Variants in PTPN2 observed in about 807,000 individuals in gnomAD.
The protein encoded by PTPN2 is tyrosine-protein phosphatase non-receptor type 2.
A neutral mutation model predicts 57.3 loss-of-function variants in PTPN2; 19 were observed. That is an observed-to-expected ratio of 0.33 (90% CI 0.23 to 0.49). The LOEUF (loss-of-function observed/expected upper bound fraction) is 0.49. Among genes scored for constraint, PTPN2 ranks in the 20% least tolerant of loss-of-function variants. The pLI, the probability that PTPN2 is intolerant of heterozygous loss-of-function variation, is 0.99. For missense variants in PTPN2, 358 were observed against 501.1 expected (o/e 0.71, Z 2.73); for synonymous variants, 153 against 164.9 (o/e 0.93, Z 0.55).
chr18:12,870,477 A>AGG lies in PTPN2; in HGVS notation c.70-11224_70-11223insCC, dbSNP rs1220428491. On this transcript the variant is annotated intron_variant, in intron 1 of 8. Coordinates refer to ENST00000309660, the MANE Select transcript of PTPN2 (RefSeq NM_002828.4). ...TATATATATATAGAGAGAGAGAGAG[A>AGG]GAGAGAGAGAGAGAGAGAGAGAAAA... Among the ~76,000 whole-genome samples, 202 of 99,536 alleles carry AGG rather than the reference A, an allele frequency of 2.0e-3. 25 individuals are homozygous for AGG. Among genetic ancestry groups the AGG allele is most frequent in the African/African-American group, 8.2e-3 (179 of 21,884 alleles). 65.3% of individuals were successfully genotyped at this position (99,536 alleles called of 152,430 possible).
intron 1 of PTPN2, among the ~76,000 whole-genome samples, chr18:12,865,124 A>C (rs1371982824): frequency 4.6e-5 from 7 of 152,206 alleles, no homozygotes; most frequent in Non-Finnish European, 8.8e-5. Flanking sequence ...TAGAATCCTC[A>C]AACTAACTTG....
intron 9 of PTPN2, chr18:12,786,316 A>G (rs2040842641): frequency 6.5e-6 from 1 of 153,486 alleles, no homozygotes; most frequent in African/African-American, 2.4e-5. Flanking sequence ...TATCAACATA[A>G]TGTTTGAACA....
chr18:12,875,714 C>T (rs566358967), intron 1 of PTPN2, among the ~76,000 whole-genome samples: 4 of 152,268 alleles, frequency 2.6e-5, no homozygotes, highest in East Asian at 3.9e-4. Context: ...TTTAATTTCG[C>T]GTACCCAGAC....
At chr18:12,861,285 A>AT (rs2043800675) in intron 1 of PTPN2, among the ~76,000 whole-genome samples, 1 of 152,234 alleles carries the variant, frequency 6.6e-6, no homozygotes, top group South Asian at 2.1e-4. Flanking sequence ...GAGAAATTTA[A>AT]TTTTATCCCT....
intron 2 of PTPN2, chr18:12,843,784 A>G (rs986199876): frequency 6.6e-6 from 1 of 152,646 alleles, no homozygotes; most frequent in African/African-American, 2.4e-5. Context: ...GCATGAAAAG[A>G]CACTGCTACA....
At position 12,819,328 on chromosome 18, in the gene PTPN2, G is replaced by A. The variant is rs1243811852; in HGVS notation, c.496-1963C>T. ...CTCCATTACAAATTAAAATGATCATGGTTTCTACGCTTTAAGACATTTATT... is the reference window on the plus strand; with the variant it reads ...CTCCATTACAAATTAAAATGATCATAGTTTCTACGCTTTAAGACATTTATT... On this transcript the variant is annotated intron_variant, in intron 5 of 8. Transcript: ENST00000309660. 9 of 882,320 alleles carry A rather than the reference G, an allele frequency of 1.0e-5. 1 individual carries two copies. In the South Asian group the frequency reaches 1.6e-4, roughly 16 times the overall value. 54.7% of individuals were successfully genotyped at this position (882,320 alleles called of 1,614,324 possible).
intron 2 of PTPN2, among the ~76,000 whole-genome samples, chr18:12,845,708 C>T (rs553740072): frequency 6.6e-6 from 1 of 152,044 alleles, no homozygotes; most frequent in Non-Finnish European, 1.5e-5. Context: ...GATTCAGTAC[C>T]TCAAGTTTAT....
chr18:12,840,927 C>T, intron 2 of PTPN2: 1 of 1,521,578 alleles, frequency 6.6e-7, no homozygotes, highest in Non-Finnish European at 8.8e-7. Context: ...GATGGAATGC[C>T]TCCATGATGA....
At chr18:12,862,460 C>G (rs1743346425) in intron 1 of PTPN2, 1 of 152,264 alleles carries the variant, frequency 6.6e-6, no homozygotes, top group South Asian at 2.1e-4. Flanking sequence ...CACCCAGCCC[C>G]AATATCCTTT....
intron 2 of PTPN2, among the ~76,000 whole-genome samples, chr18:12,850,245 C>G (rs1598846549): frequency 6.6e-6 from 1 of 152,116 alleles, no homozygotes; most frequent in African/African-American, 2.4e-5. Flanking sequence ...AATCCTAGCA[C>G]TTTGGAAGGC....
At chr18:12,869,899 A>C (rs1482347085) in intron 1 of PTPN2, among the ~76,000 whole-genome samples, 1 of 152,182 alleles carries the variant, frequency 6.6e-6, no homozygotes, top group East Asian at 1.9e-4. Flanking sequence ...AGAAAAGGAC[A>C]CAGTGAAGTA....
At chr18:12,879,314 C>G (rs562940595) in intron 1 of PTPN2, among the ~76,000 whole-genome samples, 44 of 152,242 alleles carry the variant, frequency 2.9e-4, no homozygotes, top group African/African-American at 9.9e-4. Context: ...CACTCTTTCA[C>G]GATCAATTCT....
Position 12,827,966 on chromosome 18 carries a change from C to G in PTPN2, c.361-2022G>C, listed in dbSNP as rs186912297. Among the ~76,000 whole-genome samples, 10 of 151,816 alleles carry G rather than the reference C, an allele frequency of 6.6e-5. No individual in the cohort carries two copies. In the South Asian group the frequency reaches 1.0e-3, roughly 16 times the overall value. On this transcript the variant is annotated intron_variant, in intron 4 of 8. Coordinates refer to ENST00000309660, the MANE Select transcript of PTPN2 (RefSeq NM_002828.4). Reference sequence around the variant, plus strand: ...CCTGTAAAAACTGACCCAGAATGGCCAATTACTAAGACATATTTTTGGTAA... The same window carrying G: ...CCTGTAAAAACTGACCCAGAATGGCGAATTACTAAGACATATTTTTGGTAA...
At chr18:12,879,434 A>C (rs1598904993) in intron 1 of PTPN2, among the ~76,000 whole-genome samples, 1 of 152,336 alleles carries the variant, frequency 6.6e-6, no homozygotes, top group South Asian at 2.1e-4. Flanking sequence ...TCATCCCTGC[A>C]ATCACATAAA....
rs879147426 is a variant in PTPN2 at position 12,840,912 on chromosome 18, G to A, written c.161-4021C>T. ...CATGACATATCTTCTCTAACTAGAC[G>A]CTCTGATGGAATGCCTCCATGATGA... On this transcript the variant is annotated intron_variant, in intron 2 of 8. Coordinates refer to ENST00000309660, the MANE Select transcript of PTPN2 (RefSeq NM_002828.4). 198 of 1,533,180 alleles carry A rather than the reference G, an allele frequency of 1.3e-4. 1 individual carries two copies. In the South Asian group the frequency reaches 2.2e-3, roughly 17 times the overall value. The allele number at this position is 1,533,180 out of a possible 1,614,324, so 95.0% of individuals were successfully genotyped here.
intron 1 of PTPN2, among the ~76,000 whole-genome samples, chr18:12,864,738 T>C (rs1224630083): frequency 6.6e-6 from 1 of 152,166 alleles, no homozygotes; most frequent in Admixed American, 6.6e-5. Flanking sequence ...TCTCCTATTA[T>C]TTCACCTCCT....
At chr18:12,855,838 AAAC>A (rs1328251748) in intron 2 of PTPN2, among the ~76,000 whole-genome samples, 2 of 152,230 alleles carry the variant, frequency 1.3e-5, no homozygotes, top group Admixed American at 6.5e-5. Context: ...TTAAATATAA[AAAC>A]AACAAGAAAG....
intron 1 of PTPN2, among the ~76,000 whole-genome samples, chr18:12,883,093 C>G (rs1376473145): frequency 6.6e-6 from 1 of 152,270 alleles, no homozygotes. Context: ...ACGATTAGGG[C>G]GATAGGCATC....
At chr18:12,785,906 T>C (rs779768307) in intron 9 of PTPN2, 159 of 1,361,928 alleles carry the variant, frequency 1.2e-4, no homozygotes, top group Admixed American at 2.2e-4. Flanking sequence ...CAGACGAACA[T>C]AGATGCACAC....
Sources: allele counts gnomAD v4.1 joint callset (sites outside exome capture counted in the v4.1 genomes callset), GRCh38; gene constraint gnomAD v4.1.1; transcripts MANE v1.5; gene names NCBI Gene and HGNC (gene_info 2026-07-23, HGNC 2026-07-21).